MGAT4C: variants seen among roughly 807,000 people sequenced by gnomAD.
The protein encoded by MGAT4C is alpha-1,3-mannosyl-glycoprotein 4-beta-N-acetylglucosaminyltransferase C.
MGAT4C carries 19 observed loss-of-function variants against 40.1 expected under a neutral mutation model. The observed-to-expected ratio is 0.47, with a 90% CI of 0.33 to 0.70. The LOEUF is 0.70. Among genes scored for constraint, MGAT4C ranks in the 30% least tolerant of loss-of-function variants. MGAT4C has a pLI of 0.02. For synonymous variants in MGAT4C, 181 were observed against 187.1 expected (o/e 0.97, Z 0.27); for missense variants, 491 against 563.2 (o/e 0.87, Z 1.30).
intron 1 of MGAT4C, among the ~76,000 whole-genome samples, chr12:86,173,673 T>C (rs148291171): frequency 2.0e-5 from 3 of 152,226 alleles, no homozygotes; most frequent in Middle Eastern, 3.4e-3. Flanking sequence ...ATTCATTTGA[T>C]AGGGAAATAT....
At chr12:86,657,995 T>C (rs1187389461) in intron 2 of MGAT4C, among the ~76,000 whole-genome samples, 1 of 151,974 alleles carries the variant, frequency 6.6e-6, no homozygotes, top group East Asian at 1.9e-4. Flanking sequence ...GAAGAAAGCT[T>C]ATTAAGAATT....
At chr12:86,472,531 A>G (rs980386988) in intron 2 of MGAT4C, among the ~76,000 whole-genome samples, 2 of 152,176 alleles carry the variant, frequency 1.3e-5, no homozygotes, top group Non-Finnish European at 2.9e-5. Flanking sequence ...AGAAGAATGA[A>G]GTTCTAATTT....
chr12:86,359,539 T>C (rs61950756), intron 3 of MGAT4C, among the ~76,000 whole-genome samples: 3 of 150,740 alleles, frequency 2.0e-5, no homozygotes, highest in Admixed American at 6.6e-5. Context: ...AATGAATCCA[T>C]GAGCTGGTTT....
At chr12:86,700,134 TAGATAGAC>T (rs754571655) in intron 2 of MGAT4C, among the ~76,000 whole-genome samples, 333 of 120,522 alleles carry the variant, frequency 2.8e-3, no homozygotes, top group African/African-American at 9.4e-3. Flanking sequence ...ATAATGTAGA[TAGATAGAC>T]AGACAGACAG....
At chr12:86,550,468 T>C (rs1959295027) in intron 2 of MGAT4C, among the ~76,000 whole-genome samples, 2 of 152,188 alleles carry the variant, frequency 1.3e-5, no homozygotes. Context: ...CCACCCTTCA[T>C]CTACTGTGAC....
chr12:86,433,740 C>T (rs1244902394), intron 3 of MGAT4C, among the ~76,000 whole-genome samples: 2 of 151,888 alleles, frequency 1.3e-5, no homozygotes, highest in African/African-American at 4.8e-5. Context: ...GTTTTTTAAG[C>T]TCGTGCATTA....
chr12:86,397,654 T>C (rs1407879298), intron 3 of MGAT4C, among the ~76,000 whole-genome samples: 1 of 152,124 alleles, frequency 6.6e-6, no homozygotes, highest in African/African-American at 2.4e-5. Flanking sequence ...ATAATTTGGT[T>C]TTTATTAGAA....
intron 2 of MGAT4C, among the ~76,000 whole-genome samples, chr12:86,686,731 G>A (rs1950079210): frequency 6.6e-6 from 1 of 152,184 alleles, no homozygotes; most frequent in South Asian, 2.1e-4. Flanking sequence ...GCTGGATTCA[G>A]TTTGCCAATA....
rs142343169 is a variant in MGAT4C, at chr12:86,476,554, T to A, written c.-228-41289A>T. Reference sequence around the variant, plus strand: ...AAGAACTTAAAACAGAACTACCATTTCACCCAGCCATCCCACTCCTGGGTT... The same window carrying A: ...AAGAACTTAAAACAGAACTACCATTACACCCAGCCATCCCACTCCTGGGTT... On this transcript the variant is annotated intron_variant, in intron 2 of 7. Transcript: ENST00000548651. 6.3e-3 allele frequency among the ~76,000 whole-genome samples: 957 copies of A among 152,054 alleles called. 10 individuals are homozygous for A. Among genetic ancestry groups the A allele is most frequent in the Non-Finnish European group, 0.011 (779 of 67,966 alleles).
At chr12:86,033,196 G>A in intron 2 of MGAT4C, among the ~76,000 whole-genome samples, 1 of 149,640 alleles carries the variant, frequency 6.7e-6, no homozygotes, top group Non-Finnish European at 1.5e-5. Flanking sequence ...GTTGGGTAAT[G>A]TGATGCCTCC....
chr12:86,273,671 T>C (rs1953002271), intron 4 of MGAT4C, among the ~76,000 whole-genome samples: 1 of 152,182 alleles, frequency 6.6e-6, no homozygotes, highest in African/African-American at 2.4e-5. Flanking sequence ...AGGGTCATTA[T>C]ATAAATAAAA....
chr12:86,100,767 T>A (rs1049777337), intron 1 of MGAT4C, among the ~76,000 whole-genome samples: 2 of 151,510 alleles, frequency 1.3e-5, no homozygotes, highest in South Asian at 4.2e-4. Flanking sequence ...CAGACAAACA[T>A]GGTCAAATAA....
intron 3 of MGAT4C, among the ~76,000 whole-genome samples, chr12:86,353,927 T>C (rs1955241380): frequency 6.6e-6 from 1 of 151,986 alleles, no homozygotes; most frequent in African/African-American, 2.4e-5. Context: ...CCTCCGGTAT[T>C]TAGAGAGTAC....
intron 1 of MGAT4C, among the ~76,000 whole-genome samples, chr12:86,202,451 GATT>G (rs1052606903): frequency 8.1e-4 from 123 of 151,914 alleles, no homozygotes; most frequent in African/African-American, 2.6e-3. Flanking sequence ...CATAGTAATG[GATT>G]ATAATTTATA....
At chr12:86,322,444 C>T (rs1353453398) in intron 4 of MGAT4C, among the ~76,000 whole-genome samples, 9 of 150,794 alleles carry the variant, frequency 6.0e-5, no homozygotes, top group Non-Finnish European at 1.0e-4. Flanking sequence ...ACTTTGGTTG[C>T]TATTACATTT....
intron 2 of MGAT4C, among the ~76,000 whole-genome samples, chr12:86,635,653 T>C (rs1565896808): frequency 6.9e-6 from 1 of 144,772 alleles, no homozygotes; most frequent in African/African-American, 2.7e-5. Flanking sequence ...CTTTTCTATA[T>C]ACATTGTGTG....
At chr12:86,652,204 A>G (rs1399874615) in intron 2 of MGAT4C, among the ~76,000 whole-genome samples, 2 of 151,892 alleles carry the variant, frequency 1.3e-5, no homozygotes, top group Non-Finnish European at 2.9e-5. Context: ...TAGGAGAAAT[A>G]CAAACCTAAT....
intron 3 of MGAT4C, 66 bp from the exon 4 acceptor site, chr12:85,983,736 T>G: frequency 7.7e-7 from 1 of 1,292,790 alleles, no homozygotes; most frequent in Non-Finnish European, 1.0e-6. Flanking sequence ...AAATAAAGTT[T>G]CTTTTTTACA....
intron 2 of MGAT4C, among the ~76,000 whole-genome samples, chr12:86,535,666 T>G (rs916918536): frequency 3.3e-5 from 5 of 152,070 alleles, no homozygotes; most frequent in Non-Finnish European, 7.4e-5. Flanking sequence ...TAAAAAGAAC[T>G]TGTACAAATC....
Sources: allele counts gnomAD v4.1 joint callset (sites outside exome capture counted in the v4.1 genomes callset), GRCh38; gene constraint gnomAD v4.1.1; transcripts MANE v1.5; gene names NCBI Gene and HGNC (gene_info 2026-07-23, HGNC 2026-07-21).